The following ZNF662 variants were observed in gnomAD, a reference collection of about 807,000 sequenced individuals.
The protein encoded by ZNF662 is zinc finger protein 662.
ZNF662 carries 14 observed loss-of-function variants against 12.4 expected under a neutral mutation model. The observed-to-expected ratio is 1.13, with a 90% confidence interval of 0.75 to 1.77. ZNF662 has a LOEUF of 1.77. Ranked by LOEUF, ZNF662 falls within the 40% of genes most tolerant of loss-of-function variation. The probability of loss-of-function intolerance (pLI) is 0.00; values close to 1 mark genes in which losing one functional copy is unlikely to be tolerated. For synonymous variants in ZNF662, 184 were observed against 176.4 expected (o/e 1.04, Z -0.34); for missense variants, 550 against 515.6 (o/e 1.07, Z -0.65).
chr3:42,912,694 T>TA (rs1316203645), intron 3 of ZNF662, among the ~76,000 whole-genome samples: 345 of 3,800 alleles, frequency 0.091, 12 homozygotes, highest in Non-Finnish European at 0.23. Flanking sequence ...TATATATATA[T>TA]TTTATATATA....
rs1425923931 is a variant in ZNF662 at position 42,914,614 on chromosome 3, A to G, written c.541A>G (p.Ile181Val). The change falls in exon 5 of 5, where the codon ATA (isoleucine) becomes GTA (valine). Residue 181 changes from isoleucine (I) to valine (V), a missense_variant. Coordinates refer to ENST00000440367, the MANE Select transcript of ZNF662 (RefSeq NM_207404.4). ...TACTGATGTCAATAACCTCCTTGGT[A>G]TACATCACAAAATTCTAAATGAGCA... ...GNTDVNNLLG[I>V]HHKILNEQIF... The G allele has an allele frequency of 6.2e-7, 1 of 1,614,086 alleles. No homozygotes were observed. Among genetic ancestry groups the G allele is most frequent in the East Asian group, 2.2e-5 (1 of 44,906 alleles).
intron 3 of ZNF662, among the ~76,000 whole-genome samples, chr3:42,912,849 C>T (rs1174116370): frequency 6.7e-6 from 1 of 148,526 alleles, no homozygotes; most frequent in African/African-American, 2.5e-5. Flanking sequence ...AAGCGATTCT[C>T]CTGCCTCAGC....
Position 42,917,599 on chromosome 3 carries a change from A to G in ZNF662, c.*2245A>G, listed in dbSNP as rs2088907664. On this transcript the variant is annotated 3_prime_UTR_variant, in exon 5 of 5. Transcript: ENST00000440367. ...GCTTTACCTGAAGCAGAGCTACCTC[A>G]GAACTTTTCAGCTATGTGAGCCAAT... 5 of 694,088 alleles carry G rather than the reference A, an allele frequency of 7.2e-6. No homozygotes were observed. In the Admixed American group the frequency reaches 8.5e-5, roughly 12 times the overall value. 43.0% of individuals were successfully genotyped at this position (694,088 alleles called of 1,614,324 possible).
rs1264295900 is a variant in ZNF662, at chr3:42,919,263, C to G, written c.*3909C>G. ...ATAAGTCTTGAAACATAATTTCTCT[C>G]CAGTTCTCATTTTTGTTAAAAATAA... On this transcript the variant is annotated 3_prime_UTR_variant, in exon 5 of 5. Coordinates refer to ENST00000440367, the MANE Select transcript of ZNF662 (RefSeq NM_207404.4). 1.3e-5 allele frequency among the ~76,000 whole-genome samples: 2 copies of G among 152,202 alleles called. No homozygotes were observed.
At chr3:42,908,232 T>A in intron 2 of ZNF662, 84 bp downstream of exon 2, 1 of 1,527,092 alleles carries the variant, frequency 6.5e-7, no homozygotes. Context: ...GAGTTGTTGA[T>A]AACCCTCAGC....
chr3:42,908,133 G>T lies in ZNF662; in HGVS notation c.19G>T (p.Ala7Ser). 6.2e-7 allele frequency: 1 copy of T among 1,613,566 alleles called. No individual in the cohort carries two copies. Among genetic ancestry groups the T allele is most frequent in the Non-Finnish European group, 8.5e-7 (1 of 1,179,578 alleles). Residue 7 changes from alanine to serine, a missense_variant, in exon 2 of 5, where the codon GCT (alanine) becomes TCT (serine). Coordinates refer to ENST00000440367, the MANE Select transcript of ZNF662 (RefSeq NM_207404.4). MLENYG[A>S]VASLAAFPFP... ...GGATGTGATGCTGGAGAATTATGGG[G>T]CTGTGGCTTCCCTGGGTAAGGGTCT... is the stretch of plus-strand genomic sequence containing the variant.
chr3:42,906,148 C>T lies in ZNF662; in HGVS notation c.-114C>T. 1 of 527,476 alleles carries T rather than the reference C, an allele frequency of 1.9e-6. No homozygotes were observed. The highest frequency in any genetic ancestry group is 3.3e-6 in the Non-Finnish European group (1 of 305,804). The allele number at this position is 527,476 out of a possible 1,614,324, so 32.7% of individuals were successfully genotyped here. On this transcript the variant is annotated 5_prime_UTR_variant, in exon 1 of 5. Coordinates refer to ENST00000440367, the MANE Select transcript of ZNF662 (RefSeq NM_207404.4). The surrounding 1 kb of genome is among the most constrained non-coding windows in gnomAD (Gnocchi z 4.4). ...CCGGAGCGGCCCGAGCCCCGGCCTC[C>T]CGGATGCTGGGGCCTGGCGGGTGTG...
Position 42,906,350 on chromosome 3 carries a change from C to A in ZNF662, c.-94+182C>A. 1 of 1,529,112 alleles carries A rather than the reference C, an allele frequency of 6.5e-7. No homozygotes were observed. 94.7% of individuals were successfully genotyped at this position (1,529,112 alleles called of 1,614,324 possible). A position where few individuals can be genotyped will look rare whatever the true frequency, so the allele number is the denominator to read the frequency against. Reference sequence around the variant, plus strand: ...TCGCTTTCCCAGAGGGCGACCTGGGCTATGGCGGCCGTGGCGCTGGCGAGC... The same window carrying A: ...TCGCTTTCCCAGAGGGCGACCTGGGATATGGCGGCCGTGGCGCTGGCGAGC... On this transcript the variant is annotated intron_variant, in intron 1 of 4. Coordinates refer to ENST00000440367, the MANE Select transcript of ZNF662 (RefSeq NM_207404.4). This position sits in a 1 kb window ranked among gnomAD's most constrained non-coding sequence, Gnocchi z 4.4.
Position 42,915,501 on chromosome 3 carries a change from A to G in ZNF662, c.*147A>G, listed in dbSNP as rs1575416203. On this transcript the variant is annotated 3_prime_UTR_variant, in exon 5 of 5. Transcript: ENST00000440367. Reference sequence around the variant, plus strand: ...CTTTTGAACATTTACCATGTACTCTAGCAAGACTGGTCCCTCTGTTCTATG... The same window carrying G: ...CTTTTGAACATTTACCATGTACTCTGGCAAGACTGGTCCCTCTGTTCTATG... 1.4e-5 allele frequency: 10 copies of G among 695,478 alleles called. No homozygotes were observed. In the East Asian group the frequency reaches 2.7e-4, roughly 19 times the overall value. 43.1% of individuals were successfully genotyped at this position (695,478 alleles called of 1,614,324 possible). A position where few individuals can be genotyped will look rare whatever the true frequency, so the allele number is the denominator to read the frequency against.
intron 3 of ZNF662, among the ~76,000 whole-genome samples, chr3:42,912,395 A>G (rs1248742254): frequency 5.1e-5 from 5 of 98,638 alleles, no homozygotes; most frequent in Admixed American, 1.7e-4. Flanking sequence ...TATAATATAT[A>G]TTTATATATT....
rs775257196 is a variant in ZNF662 at position 42,915,069 on chromosome 3, C to G, written c.996C>G (p.Tyr332Ter). 3 of 1,613,510 alleles carry G rather than the reference C, an allele frequency of 1.9e-6. No individual in the cohort carries two copies. The highest frequency in any genetic ancestry group is 2.2e-5 in the East Asian group (1 of 44,824). The change falls in exon 5 of 5, where the codon TAC becomes TAG. Residue 332 changes from tyrosine (Y) to a stop codon, truncating the protein, a stop_gained. Transcript: ENST00000440367. LOFTEE classifies it low-confidence loss of function (END_TRUNC). ...GAATGCACACTGGGGAGAAGCCTTA[C>G]GAATGTAAGGACTGTGGGAAGGGCT... ...HQRMHTGEKP[Y>*]ECKDCGKGFM...
chr3:42,914,407 T>C lies in ZNF662; in HGVS notation c.334T>C (p.Ser112Pro), dbSNP rs149596515. 1 of 1,614,014 alleles carries C rather than the reference T, an allele frequency of 6.2e-7. No individual in the cohort carries two copies. The highest frequency in any genetic ancestry group is 1.1e-5 in the South Asian group (1 of 91,064). Residue 112 changes from serine to proline, a missense_variant, in exon 5 of 5, where the codon TCA (serine) becomes CCA (proline). By Grantham distance (74) the Ser-to-Pro change is moderately conservative. Coordinates refer to ENST00000440367, the MANE Select transcript of ZNF662 (RefSeq NM_207404.4). ...GGAAGCACAGGACCTCATGGTCCTA[T>C]CAAGTGGACCCCAGTGGTGTGGATC... ...IEEAQDLMVLSSGPQWCGSQE... is the reference protein window; with the variant it reads ...IEEAQDLMVLPSGPQWCGSQE...
rs368284857 is a variant in ZNF662 at position 42,908,002 on chromosome 3, T to G, written c.-93-20T>G. 3.2e-4 allele frequency: 512 copies of G among 1,613,926 alleles called. 1 individual carries two copies. The highest frequency in any genetic ancestry group is 3.9e-4 in the Non-Finnish European group (458 of 1,179,940). ...TGGTCCTGGGGTTGTCCTAGGGCAT[T>G]TAAACACATGTTGTTTCAGGAGTCA... On this transcript the variant is annotated intron_variant, in intron 1 of 4. Transcript: ENST00000440367.
In ZNF662 at chr3:42,914,794, A is replaced by T; in HGVS notation, c.721A>T (p.Ile241Phe). 1 of 1,613,994 alleles carries T rather than the reference A, an allele frequency of 6.2e-7. No homozygotes were observed. Among genetic ancestry groups the T allele is most frequent in the Non-Finnish European group, 8.5e-7 (1 of 1,179,958 alleles). ...FRSHCIAHQR[I>F]HSGVKPYECQ... The stretch of plus-strand genomic sequence containing the variant: ...ATCACATTGCATTGCACATCAGAGA[A>T]TTCACAGTGGGGTGAAACCCTATGA... The change falls in exon 5 of 5, where the codon ATT (isoleucine) becomes TTT (phenylalanine). Residue 241 changes from isoleucine (I) to phenylalanine (F), a missense_variant. Coordinates refer to ENST00000440367, the MANE Select transcript of ZNF662 (RefSeq NM_207404.4).
chr3:42,908,284 C>T, intron 2 of ZNF662, 136 bp downstream of exon 2: 1 of 1,437,306 alleles, frequency 7.0e-7, no homozygotes, highest in Non-Finnish European at 9.2e-7. Context: ...ATGACCTAAC[C>T]TCAGCAGCCG....
At chr3:42,910,972 T>C (rs770229902) in intron 3 of ZNF662, among the ~76,000 whole-genome samples, 9 of 152,230 alleles carry the variant, frequency 5.9e-5, no homozygotes, top group African/African-American at 1.2e-4. Flanking sequence ...CATTCTCTGC[T>C]CTGTCTCCGT....
chr3:42,908,355 G>C, intron 2 of ZNF662: 1 of 1,355,450 alleles, frequency 7.4e-7, no homozygotes, highest in East Asian at 2.6e-5. Flanking sequence ...TTGCTCCAGA[G>C]TGAGAGGTGC....
In ZNF662 at chr3:42,914,725, A is replaced by G; in HGVS notation, c.652A>G (p.Lys218Glu). ...DQHQKTHNGEKVYGCKECGKA... is the reference protein window; with the variant it reads ...DQHQKTHNGEEVYGCKECGKA... ...ACACCAGAAAACTCATAATGGAGAG[A>G]AGGTCTATGGATGTAAGGAATGTGG... Residue 218 changes from lysine (K) to glutamate (E), a missense_variant, in exon 5 of 5, where the codon AAG (lysine) becomes GAG (glutamate). Physicochemically the swap from Lys to Glu is moderately conservative, Grantham distance 56. Coordinates refer to ENST00000440367, the MANE Select transcript of ZNF662 (RefSeq NM_207404.4). The G allele has an allele frequency of 6.2e-7, 1 of 1,614,200 alleles. No individual in the cohort carries two copies. The highest frequency in any genetic ancestry group is 8.5e-7 in the Non-Finnish European group (1 of 1,180,032).
rs951883829 is a variant in ZNF662, at chr3:42,906,418, C to G, written c.-94+250C>G. On this transcript the variant is annotated intron_variant, in intron 1 of 4. Transcript: ENST00000440367. The surrounding 1 kb of genome is among the most constrained non-coding windows in gnomAD (Gnocchi z 4.4). Reference sequence around the variant, plus strand: ...TGTCCTCGAGCTGCTCCCGGGACAGCCCGCGCTGCCCCGGGCGCGCCGGGT... The same window carrying G: ...TGTCCTCGAGCTGCTCCCGGGACAGGCCGCGCTGCCCCGGGCGCGCCGGGT... 3 of 1,481,298 alleles carry G rather than the reference C, an allele frequency of 2.0e-6. No individual in the cohort carries two copies. The African/African-American group carries it at 4.4e-5, about 22-fold the overall frequency. The allele number at this position is 1,481,298 out of a possible 1,614,324, so 91.8% of individuals were successfully genotyped here.
Sources: gnomAD v4.1 joint callset for allele counts (sites outside exome capture counted in the v4.1 genomes callset) on GRCh38, gnomAD v4.1.1 for gene constraint, Gnocchi (gnomAD v3.1) non-coding constraint, MANE v1.5 for transcripts, NCBI Gene and HGNC (gene_info 2026-07-23, HGNC 2026-07-21) for gene names.